CSMD3: variants seen among roughly 807,000 people sequenced by gnomAD.
CSMD3 encodes CUB and sushi domain-containing protein 3.
In CSMD3, 177 loss-of-function variants were observed where a neutral mutation model predicts 435.2. The ratio of observed to expected loss-of-function variants is 0.41; its 90% CI spans 0.36 to 0.46. The LOEUF (loss-of-function observed/expected upper bound fraction) is 0.46. Among genes scored for constraint, CSMD3 ranks in the 20% least tolerant of loss-of-function variants. The pLI is 0.34. For synonymous variants in CSMD3, 1,656 were observed against 1,520.5 expected, an observed-to-expected ratio of 1.09 and a Z score of -2.07; for missense variants, 4,265 against 4,504.6, an observed-to-expected ratio of 0.95 and a Z score of 1.52.
intron 6 of CSMD3, among the ~76,000 whole-genome samples, chr8:112,977,309 C>G (rs2084889935): frequency 1.3e-5 from 2 of 151,840 alleles, no homozygotes; most frequent in African/African-American, 4.8e-5. Context: ...TTCTAAAGCC[C>G]CTGAGTGGTA....
intron 58 of CSMD3, among the ~76,000 whole-genome samples, chr8:112,284,076 T>C (rs1287468279): frequency 6.6e-6 from 1 of 151,864 alleles, no homozygotes; most frequent in African/African-American, 2.4e-5. Context: ...GTTTGAAATA[T>C]ATTGCCACAG....
At chr8:112,994,959 T>G (rs2085591280) in intron 6 of CSMD3, among the ~76,000 whole-genome samples, 1 of 151,554 alleles carries the variant, frequency 6.6e-6, no homozygotes, top group Admixed American at 6.6e-5. Context: ...TGAAATGTAA[T>G]CAGTATATAA....
intron 10 of CSMD3, among the ~76,000 whole-genome samples, chr8:112,874,009 G>A (rs202037087): frequency 5.9e-5 from 9 of 151,960 alleles, no homozygotes; most frequent in South Asian, 4.2e-4. Flanking sequence ...TTAGGGTGTC[G>A]ATTTTAGATC....
At chr8:113,073,481 C>T (rs1239766634) in intron 5 of CSMD3, among the ~76,000 whole-genome samples, 1 of 151,794 alleles carries the variant, frequency 6.6e-6, no homozygotes, top group Non-Finnish European at 1.5e-5. Context: ...AGGCAACCCC[C>T]TGCACATGTA....
chr8:112,607,907 C>A (rs554486583), intron 22 of CSMD3, among the ~76,000 whole-genome samples: 353 of 152,124 alleles, frequency 2.3e-3, no homozygotes, highest in African/African-American at 8.1e-3. Context: ...GACAAGAATG[C>A]CCACTCTCAC....
intron 34 of CSMD3, among the ~76,000 whole-genome samples, chr8:112,407,163 T>C (rs1831934037): frequency 6.6e-6 from 1 of 151,862 alleles, no homozygotes; most frequent in Non-Finnish European, 1.5e-5. Flanking sequence ...AAAACAGATT[T>C]TATAAAGGCA....
At chr8:113,204,541 T>C (rs925639923) in intron 3 of CSMD3, among the ~76,000 whole-genome samples, 1 of 152,160 alleles carries the variant, frequency 6.6e-6, no homozygotes, top group Non-Finnish European at 1.5e-5. Context: ...CTAAATGTAC[T>C]GGATTTTAAA....
chr8:112,645,536 A>T (rs2074957052), intron 19 of CSMD3, among the ~76,000 whole-genome samples: 1 of 149,258 alleles, frequency 6.7e-6, no homozygotes, highest in African/African-American at 2.5e-5. Flanking sequence ...TAATTGTTTA[A>T]CAGTTGCTCT....
intron 10 of CSMD3, among the ~76,000 whole-genome samples, chr8:112,891,358 C>A (rs2081783916): frequency 1.3e-5 from 2 of 151,608 alleles, no homozygotes; most frequent in African/African-American, 4.8e-5. Flanking sequence ...AGCTGCCCAG[C>A]AATCAATCAA....
rs1586992965 is a variant in CSMD3 at position 112,696,277 on chromosome 8, A to C, written c.1973-6227T>G. Among the ~76,000 whole-genome samples, 5 of 152,280 alleles carry C rather than the reference A, an allele frequency of 3.3e-5. No individual in the cohort carries two copies. In the East Asian group the frequency reaches 9.6e-4, roughly 29 times the overall value. On this transcript the variant is annotated intron_variant, in intron 13 of 70. Transcript: ENST00000297405. ...GGTCTGCATTGCCAATACAATCCTA[A>C]GCCAAAAGAACAAAGCTGGAGGCAT...
At chr8:112,862,908 C>CA (rs1325979040) in intron 10 of CSMD3, among the ~76,000 whole-genome samples, 4 of 152,168 alleles carry the variant, frequency 2.6e-5, no homozygotes, top group Middle Eastern at 6.8e-3. Context: ...ATAATAGTAT[C>CA]AATCATTATG....
At chr8:112,251,268 A>G (rs111354515) in intron 63 of CSMD3, among the ~76,000 whole-genome samples, 3 of 151,862 alleles carry the variant, frequency 2.0e-5, no homozygotes, top group African/African-American at 7.2e-5. Flanking sequence ...TTTATACAAA[A>G]CATTTTACTC....
chr8:112,559,362 A>C (rs545719357), intron 24 of CSMD3, among the ~76,000 whole-genome samples: 3 of 151,894 alleles, frequency 2.0e-5, no homozygotes, highest in Non-Finnish European at 4.4e-5. Context: ...TCCAATCTCC[A>C]AGGAGCATAG....
intron 16 of CSMD3, among the ~76,000 whole-genome samples, chr8:112,681,486 A>C (rs1253183696): frequency 6.6e-6 from 1 of 152,178 alleles, no homozygotes; most frequent in Admixed American, 6.5e-5. Context: ...TTCTAAATTG[A>C]TATACTATGT....
intron 25 of CSMD3, among the ~76,000 whole-genome samples, chr8:112,553,485 C>T (rs1411663628): frequency 2.0e-5 from 3 of 152,054 alleles, no homozygotes; most frequent in Non-Finnish European, 4.4e-5. Flanking sequence ...TTTTAGTTAG[C>T]ATATTGCTCT....
At chr8:112,630,866 A>T (rs1489858365) in intron 22 of CSMD3, among the ~76,000 whole-genome samples, 1 of 151,404 alleles carries the variant, frequency 6.6e-6, no homozygotes, top group African/African-American at 2.4e-5. Flanking sequence ...GGTCCAGTGT[A>T]CTCAGAAGAG....
chr8:112,804,664 TATTTTA>T (rs1399254636), intron 12 of CSMD3, among the ~76,000 whole-genome samples: 65 of 150,974 alleles, frequency 4.3e-4, no homozygotes, highest in East Asian at 1.4e-3. Context: ...TATTTTATTT[TATTTTA>T]TTTTATTTTT....
At chr8:112,458,839 G>C (rs533718721) in intron 32 of CSMD3, among the ~76,000 whole-genome samples, 175 of 152,178 alleles carry the variant, frequency 1.1e-3, no homozygotes, top group Admixed American at 3.9e-3. Flanking sequence ...TAGACATCAG[G>C]AAGGGCTTTG....
intron 32 of CSMD3, among the ~76,000 whole-genome samples, chr8:112,465,999 G>C (rs1477596353): frequency 6.7e-6 from 1 of 149,114 alleles, no homozygotes; most frequent in African/African-American, 2.6e-5. Flanking sequence ...AGAGTTCCCT[G>C]TTCTTTTCGA....
Sources: gnomAD v4.1 joint callset for allele counts (sites outside exome capture counted in the v4.1 genomes callset) on GRCh38, gnomAD v4.1.1 for gene constraint, MANE v1.5 for transcripts, NCBI Gene and HGNC (gene_info 2026-07-23, HGNC 2026-07-21) for gene names.